NANOG: variants seen among roughly 807,000 people sequenced by gnomAD.
The protein encoded by NANOG is homeobox protein NANOG.
NANOG carries 2 observed loss-of-function variants against 17.7 expected under a neutral mutation model. The observed-to-expected ratio is 0.11, with a 90% CI of 0.05 to 0.36. NANOG has a LOEUF of 0.36. Ranked by LOEUF, NANOG falls within the 10% of genes least tolerant of loss-of-function variation. The probability of loss-of-function intolerance (pLI) is 1.00; values close to 1 mark genes in which losing one functional copy is unlikely to be tolerated. For missense variants in NANOG, 174 were observed against 362.1 expected (o/e 0.48, Z 4.22); for synonymous variants, 81 against 124.7 (o/e 0.65, Z 2.33).
In NANOG at chr12:7,798,432, T is replaced by A. The variant is rs954217218; in HGVS notation, c.*3337T>A. On this transcript the variant is annotated 3_prime_UTR_variant, in exon 4 of 4. Coordinates refer to ENST00000229307, the MANE Select transcript of NANOG (RefSeq NM_024865.4). ...ATAGTACAAGGCTCTCTGTTTAACA[T>A]TTCTTCCTTTCTCTAGAAAATTTTC... The A allele has an allele frequency of 6.6e-6, 1 of 152,222 alleles. No homozygotes were observed. Among genetic ancestry groups the A allele is most frequent in the Non-Finnish European group, 1.5e-5 (1 of 68,052 alleles). 9.4% of individuals were successfully genotyped at this position (152,222 alleles called of 1,614,324 possible).
Position 7,794,443 on chromosome 12 carries a change from A to C in NANOG, c.415-14A>C, listed in dbSNP as rs1267559466. The C allele has an allele frequency of 1.2e-5, 19 of 1,605,098 alleles. No individual in the cohort carries two copies. The Middle Eastern group carries it at 4.9e-4, about 42-fold the overall frequency. ...TTATGAATATTTTACAATTTCTATC[A>C]TTTTTTCCTGCAGGTGAAGACCTGG... On this transcript the variant is annotated splice_polypyrimidine_tract_variant and intron_variant, in intron 2 of 3. Transcript: ENST00000229307.
rs763676731 is a variant in NANOG, at chr12:7,794,769, A to G, written c.592A>G (p.Asn198Asp). 10 of 1,555,680 alleles carry G rather than the reference A, an allele frequency of 6.4e-6. No homozygotes were observed. Among genetic ancestry groups the G allele is most frequent in the Non-Finnish European group, 8.7e-6 (10 of 1,148,912 alleles). ...GACTGGGAACCTTCCAATGTGGAGC[A>G]ACCAGACCTGGAACAATTCAACCTG... ...NPTGNLPMWS[N>D]QTWNNSTWSN... The change falls in exon 4 of 4, where the codon AAC becomes GAC. Residue 198 changes from asparagine (N) to aspartate (D), a missense_variant. Asn to Asp is a conservative substitution (Grantham distance 23, BLOSUM62 1). This residue lies in a region of NANOG where 158 missense variants were observed against 244.2 expected (regional missense o/e 0.65). Transcript: ENST00000229307.
In NANOG at chr12:7,789,457, A is replaced by G. The variant is rs749126222; in HGVS notation, c.-158A>G. 6 of 631,604 alleles carry G rather than the reference A, an allele frequency of 9.5e-6. No homozygotes were observed. Among genetic ancestry groups the G allele is most frequent in the African/African-American group, 1.8e-5 (1 of 54,330 alleles). 39.1% of individuals were successfully genotyped at this position (631,604 alleles called of 1,614,324 possible). On this transcript the variant is annotated 5_prime_UTR_variant, in exon 1 of 4. An upstream start codon of the reference 5' UTR is lost. Transcript: ENST00000229307. ...TCTGCTGGACTGAGCTGGTTGCCTC[A>G]TGTTATTATGCAGGCAACTCACTTT...
chr12:7,791,870 C>T (rs1038744933), intron 1 of NANOG, among the ~76,000 whole-genome samples: 1 of 152,158 alleles, frequency 6.6e-6, no homozygotes, highest in South Asian at 2.1e-4. Flanking sequence ...CTGGTCCTAG[C>T]ATTGAGAACT....
chr12:7,792,952 T>C lies in NANOG; in HGVS notation c.154T>C (p.Ser52Pro), dbSNP rs1862861906. 1 of 1,600,782 alleles carries C rather than the reference T, an allele frequency of 6.2e-7. No homozygotes were observed. Among genetic ancestry groups the C allele is most frequent in the Admixed American group, 1.7e-5 (1 of 58,226 alleles). Residue 52 changes from serine to proline, a missense_variant and splice_region_variant, in exon 2 of 4, where the codon TCT (serine) becomes CCT (proline). Transcript: ENST00000229307. ...SAEMPHTETV[S>P]PLPSSMDLLI... The stretch of plus-strand genomic sequence containing the variant: ...GTCCTTTTATTTGTTCCCAACAGTC[T>C]CTCCTCTTCCTTCCTCCATGGATCT...
At chr12:7,792,420 A>G (rs765305548) in intron 1 of NANOG, among the ~76,000 whole-genome samples, 2 of 152,240 alleles carry the variant, frequency 1.3e-5, no homozygotes, top group South Asian at 2.1e-4. Context: ...TAATCTCAGT[A>G]CTTCGGGAGG....
chr12:7,791,113 CTTT>C (rs57074245), intron 1 of NANOG, among the ~76,000 whole-genome samples: 3 of 140,432 alleles, frequency 2.1e-5, no homozygotes, highest in African/African-American at 2.7e-5. Flanking sequence ...TTCTTTCTTT[CTTT>C]TTTTTTTTTT....
intron 2 of NANOG, among the ~76,000 whole-genome samples, chr12:7,793,498 C>T (rs1862873249): frequency 6.6e-6 from 1 of 152,210 alleles, no homozygotes; most frequent in Admixed American, 6.5e-5. Context: ...TCTAACTCCA[C>T]TTACCAGGGT....
intron 2 of NANOG, 100 bp downstream of exon 2, chr12:7,793,312 C>T (rs1335855729): frequency 2.0e-5 from 22 of 1,085,300 alleles, no homozygotes; most frequent in African/African-American, 6.4e-5. Context: ...ACTATGTGTC[C>T]GTACATCGCC....
intron 2 of NANOG, among the ~76,000 whole-genome samples, chr12:7,794,115 C>T (rs369640116): frequency 6.6e-6 from 1 of 152,154 alleles, no homozygotes; most frequent in Admixed American, 6.6e-5. Context: ...TCTGTTGTCA[C>T]GCAGCTGGAG....
rs1312441150 is a variant in NANOG at position 7,798,876 on chromosome 12, G to C, written c.*3781G>C. The C allele has an allele frequency of 7.2e-6, 1 of 139,008 alleles. No individual in the cohort carries two copies. The highest frequency in any genetic ancestry group is 2.8e-5 in the African/African-American group (1 of 36,358). The allele number at this position is 139,008 out of a possible 1,614,324, so 8.6% of individuals were successfully genotyped here. ...TTGGTAAATATTGCATGCCTCCTGG[G>C]GCCCCCATGGGCTTTGACTCAAGGG... On this transcript the variant is annotated 3_prime_UTR_variant, in exon 4 of 4. Transcript: ENST00000229307.
At chr12:7,790,850 C>A (rs1592116582) in intron 1 of NANOG, among the ~76,000 whole-genome samples, 1 of 152,166 alleles carries the variant, frequency 6.6e-6, no homozygotes, top group Admixed American at 6.5e-5. Flanking sequence ...ATCAAGTGAT[C>A]CTCTTGCCTC....
intron 1 of NANOG, among the ~76,000 whole-genome samples, chr12:7,791,359 C>T (rs748565037): frequency 6.6e-6 from 1 of 152,180 alleles, no homozygotes; most frequent in South Asian, 2.1e-4. Flanking sequence ...GATTCACCTG[C>T]CTTGGCTGGG....
chr12:7,789,792 G>T (rs748000673), intron 1 of NANOG, 27 bp downstream of exon 1: 1 of 1,608,352 alleles, frequency 6.2e-7, no homozygotes, highest in Admixed American at 1.7e-5. Context: ...TCCTTGAAAG[G>T]CCAAGTTCCT....
Position 7,791,149 on chromosome 12 carries a change from C to T in NANOG, c.151+1384C>T, listed in dbSNP as rs749738305. ...TTTGAGACAGGGTCTCATTCTGTTGCCCACGCGGGAGTGCAGTGGCGTGAT... is the reference window on the plus strand; with the variant it reads ...TTTGAGACAGGGTCTCATTCTGTTGTCCACGCGGGAGTGCAGTGGCGTGAT... On this transcript the variant is annotated intron_variant, in intron 1 of 3. Coordinates refer to ENST00000229307, the MANE Select transcript of NANOG (RefSeq NM_024865.4). 7.7e-4 allele frequency among the ~76,000 whole-genome samples: 117 copies of T among 151,152 alleles called. 1 individual carries two copies. The highest frequency in any genetic ancestry group is 6.8e-3 in the Middle Eastern group (2 of 294).
intron 1 of NANOG, among the ~76,000 whole-genome samples, chr12:7,790,469 G>GC (rs1862824233): frequency 6.6e-6 from 1 of 152,112 alleles, no homozygotes; most frequent in Admixed American, 6.6e-5. Flanking sequence ...CAAAACCTGT[G>GC]CTAGTACTCA....
chr12:7,793,339 T>C, intron 2 of NANOG, 127 bp downstream of exon 2: 1 of 805,976 alleles, frequency 1.2e-6, no homozygotes, highest in East Asian at 2.6e-5. Flanking sequence ...AAATAATTTA[T>C]GAAGATGAAA....
intron 2 of NANOG, among the ~76,000 whole-genome samples, chr12:7,793,724 C>T (rs775258594): frequency 4.6e-5 from 7 of 152,002 alleles, no homozygotes; most frequent in Non-Finnish European, 7.4e-5. Flanking sequence ...ATTTTTGAGA[C>T]GGAGTCTCAC....
intron 1 of NANOG, 27 bp downstream of exon 1, chr12:7,789,792 G>A: frequency 1.9e-6 from 3 of 1,608,352 alleles, no homozygotes; most frequent in Non-Finnish European, 2.5e-6. Context: ...TCCTTGAAAG[G>A]CCAAGTTCCT....
Sources: gnomAD v4.1 joint callset for allele counts (sites outside exome capture counted in the v4.1 genomes callset) on GRCh38, gnomAD v4.1.1 for gene constraint, gnomAD v4.1.1 regional missense constraint, MANE v1.5 for transcripts, NCBI Gene and HGNC (gene_info 2026-07-23, HGNC 2026-07-21) for gene names.